COMT: variants seen among roughly 807,000 people sequenced by gnomAD.
COMT encodes catechol O-methyltransferase.
In COMT, 13 loss-of-function variants were observed where a neutral mutation model predicts 18.9. The ratio of observed to expected loss-of-function variants is 0.69; its 90% CI spans 0.45 to 1.09. The LOEUF (loss-of-function observed/expected upper bound fraction) is 1.09, where lower values mean the gene tolerates loss of function less well. Ranked by LOEUF, COMT falls within the 50% of genes least tolerant of loss-of-function variation. The pLI is 0.00. For synonymous variants in COMT, 150 were observed against 160.9 expected (o/e 0.93, Z 0.51); for missense variants, 329 against 361.8 (o/e 0.91, Z 0.73).
intron 1 of COMT, among the ~76,000 whole-genome samples, chr22:19,950,725 T>G (rs1601511339): frequency 6.6e-6 from 1 of 151,800 alleles, no homozygotes; most frequent in Middle Eastern, 3.4e-3. Context: ...TAGGGAAGTA[T>G]GGAGGTGATA....
chr22:19,954,987 C>T (rs1327176849), intron 1 of COMT, among the ~76,000 whole-genome samples: 1 of 152,140 alleles, frequency 6.6e-6, no homozygotes, highest in African/African-American at 2.4e-5. Flanking sequence ...AGAGGCGAGG[C>T]CCCATCTGGA....
Position 19,941,860 on chromosome 22 carries a change from GGGGCGGGTCCAGTCCC to G in COMT, c.-121_-106del. The stretch of plus-strand genomic sequence containing the variant: ...CCCGCCGCGCTGCCTGCGCCGGACC[GGGGCGGGTCCAGTCCC>G]GGGCGGGCCGTCGCGGGAGAGGTGA... On this transcript the variant is annotated 5_prime_UTR_variant, in exon 1 of 6. Coordinates refer to ENST00000361682, the MANE Select transcript of COMT (RefSeq NM_000754.4). 7 of 1,454,410 alleles carry G rather than the reference GGGGCGGGTCCAGTCCC, an allele frequency of 4.8e-6. No homozygotes were observed. Among genetic ancestry groups the G allele is most frequent in the Non-Finnish European group, 6.3e-6 (7 of 1,111,286 alleles). 90.1% of individuals were successfully genotyped at this position (1,454,410 alleles called of 1,614,324 possible). A position where few individuals can be genotyped will look rare whatever the true frequency, so the allele number is the denominator to read the frequency against.
At chr22:19,952,560 A>AC (rs1261573161) in intron 1 of COMT, among the ~76,000 whole-genome samples, 1 of 148,904 alleles carries the variant, frequency 6.7e-6, no homozygotes, top group Non-Finnish European at 1.5e-5. Context: ...AATGCCATGA[A>AC]CCCGGGGGAT....
intron 1 of COMT, among the ~76,000 whole-genome samples, chr22:19,949,871 G>C (rs1363957413): frequency 6.6e-6 from 1 of 152,092 alleles, no homozygotes; most frequent in African/African-American, 2.4e-5. Flanking sequence ...AATCTCTAGA[G>C]GTATATCCTT....
intron 1 of COMT, among the ~76,000 whole-genome samples, chr22:19,959,499 A>G (rs1296089900): frequency 1.3e-5 from 2 of 149,658 alleles, no homozygotes; most frequent in African/African-American, 4.9e-5. Flanking sequence ...CCCATCCCAC[A>G]CCAGCGAGCA....
At chr22:19,958,537 C>T (rs1303874615) in intron 1 of COMT, among the ~76,000 whole-genome samples, 2 of 148,664 alleles carry the variant, frequency 1.3e-5, no homozygotes, top group African/African-American at 5.0e-5. Flanking sequence ...AGAGGGTTCC[C>T]ATTTCATCAC....
Position 19,956,120 on chromosome 22 carries a change from C to CTT in COMT, c.-91-5072_-91-5071dup, listed in dbSNP as rs66578812. ...AGTCAGTTTCTAGTTATCTTTCTTT[C>CTT]TTTTTTTTCTTTTTTTCTTTTTTTT... is the stretch of plus-strand genomic sequence containing the variant. On this transcript the variant is annotated intron_variant, in intron 1 of 5. Transcript: ENST00000361682. 7.6e-5 allele frequency among the ~76,000 whole-genome samples: 10 copies of CTT among 131,298 alleles called. No individual in the cohort carries two copies. The East Asian group carries it at 2.0e-3, about 26-fold the overall frequency. The allele number at this position is 131,298 out of a possible 152,430, so 86.1% of individuals were successfully genotyped here. A position where few individuals can be genotyped will look rare whatever the true frequency, so the allele number is the denominator to read the frequency against.
intron 5 of COMT, 118 bp downstream of exon 5, chr22:19,964,417 C>T (rs1286138469): frequency 1.4e-6 from 2 of 1,413,608 alleles, no homozygotes; most frequent in Non-Finnish European, 9.9e-7. Context: ...ACAGCTCGCT[C>T]TGGAGGCACC....
chr22:19,960,511 CTT>C (rs777442926), intron 1 of COMT, among the ~76,000 whole-genome samples: 16 of 152,338 alleles, frequency 1.1e-4, no homozygotes, highest in Admixed American at 7.8e-4. Context: ...AGCACCATCT[CTT>C]GTTTTTTCCC....
chr22:19,944,349 C>A (rs1279995513), intron 1 of COMT, among the ~76,000 whole-genome samples: 1 of 151,790 alleles, frequency 6.6e-6, no homozygotes, highest in East Asian at 1.9e-4. Context: ...AAGTTCGAGA[C>A]CAGCCTGGCT....
At chr22:19,947,425 C>A (rs922289059) in intron 1 of COMT, among the ~76,000 whole-genome samples, 1 of 152,050 alleles carries the variant, frequency 6.6e-6, no homozygotes, top group Non-Finnish European at 1.5e-5. Context: ...TGCCAGGCTG[C>A]GCTGTTATTT....
rs1569121516 is a variant in COMT at position 19,941,776 on chromosome 22, C to T, written c.-213C>T. Reference sequence around the variant, plus strand: ...CGCCACCGGAAGCGCCCTCCTAATCCCCGCAGCGCCACCGCCATTGCCGCC... The same window carrying T: ...CGCCACCGGAAGCGCCCTCCTAATCTCCGCAGCGCCACCGCCATTGCCGCC... On this transcript the variant is annotated 5_prime_UTR_variant, in exon 1 of 6. Transcript: ENST00000361682. 2 of 1,526,218 alleles carry T rather than the reference C, an allele frequency of 1.3e-6. No homozygotes were observed. Among genetic ancestry groups the T allele is most frequent in the Non-Finnish European group, 1.7e-6 (2 of 1,146,744 alleles). The allele number at this position is 1,526,218 out of a possible 1,614,324, so 94.5% of individuals were successfully genotyped here. A position where few individuals can be genotyped will look rare whatever the true frequency, so the allele number is the denominator to read the frequency against.
At chr22:19,942,745 C>G (rs1941761923) in intron 1 of COMT, among the ~76,000 whole-genome samples, 1 of 152,162 alleles carries the variant, frequency 6.6e-6, no homozygotes, top group East Asian at 1.9e-4. Context: ...TGAGAAAAAG[C>G]TGGCTCCATG....
rs1555919297 is a variant in COMT at position 19,950,263 on chromosome 22, T to TTTTTTC, written c.-92+8366_-92+8367insTTTTTC. 6.0e-5 allele frequency among the ~76,000 whole-genome samples: 8 copies of TTTTTTC among 132,374 alleles called. No individual in the cohort carries two copies. The South Asian group carries it at 9.7e-4, about 16-fold the overall frequency. The allele number at this position is 132,374 out of a possible 152,430, so 86.8% of individuals were successfully genotyped here. A position where few individuals can be genotyped will look rare whatever the true frequency, so the allele number is the denominator to read the frequency against. ...TTTCTTTTTTTTTTTTTTTTTTTTT[T>TTTTTTC]CTGTAGAGACAAGGTCTTGCTGTGT... On this transcript the variant is annotated intron_variant, in intron 1 of 5. Transcript: ENST00000361682.
At chr22:19,963,335 C>A in intron 3 of COMT, 2 of 607,872 alleles carry the variant, frequency 3.3e-6, no homozygotes, top group Non-Finnish European at 5.8e-6. Flanking sequence ...GGCTAAGGGA[C>A]CATGGGAGCT....
intron 3 of COMT, 78 bp from the exon 4 acceptor site, chr22:19,963,488 T>G (rs1601528804): frequency 3.3e-6 from 5 of 1,521,410 alleles, no homozygotes; most frequent in Non-Finnish European, 4.5e-6. Flanking sequence ...TTGGGAGAGG[T>G]GGGGGGCCGT....
chr22:19,946,552 T>C (rs952217248), intron 1 of COMT, among the ~76,000 whole-genome samples: 2 of 152,160 alleles, frequency 1.3e-5, no homozygotes, highest in Admixed American at 6.5e-5. Flanking sequence ...GGCCTTTTCA[T>C]TGGTCCCTTT....
chr22:19,968,523 GGTCT>G lies in COMT; in HGVS notation c.616-10_616-7del, dbSNP rs1569138181. The G allele has an allele frequency of 1.1e-5, 17 of 1,612,004 alleles. No individual in the cohort carries two copies. The highest frequency in any genetic ancestry group is 1.3e-5 in the Non-Finnish European group (15 of 1,178,964). ...CTGACCCTCACCTCCCCCACCCCCC[GGTCT>G]GTTTGCAGGAATGTGGCCTGCTGCG... On this transcript the variant is annotated splice_polypyrimidine_tract_variant and intron_variant, in intron 5 of 5. Transcript: ENST00000361682.
intron 1 of COMT, among the ~76,000 whole-genome samples, chr22:19,943,048 G>A (rs1941769957): frequency 1.3e-5 from 2 of 152,194 alleles, no homozygotes; most frequent in African/African-American, 2.4e-5. Context: ...GGCTAGGATC[G>A]TTCTGGGAAT....
Sources: allele counts gnomAD v4.1 joint callset (sites outside exome capture counted in the v4.1 genomes callset), GRCh38; gene constraint gnomAD v4.1.1; transcripts MANE v1.5; gene names NCBI Gene and HGNC (gene_info 2026-07-23, HGNC 2026-07-21).